CDC25C: variants seen among roughly 807,000 people sequenced by gnomAD.
CDC25C encodes cell division cycle 25C.
A neutral mutation model predicts 52.5 loss-of-function variants in CDC25C; 48 were observed. That is an observed-to-expected ratio of 0.91 (90% CI 0.72 to 1.16). The LOEUF (loss-of-function observed/expected upper bound fraction) is 1.16. Among genes scored for constraint, CDC25C ranks in the 50% most tolerant of loss-of-function variants. The probability of loss-of-function intolerance (pLI) is 0.00; values close to 1 mark genes in which losing one functional copy is unlikely to be tolerated. For synonymous variants in CDC25C, 187 were observed against 206.5 expected, an observed-to-expected ratio of 0.91 and a Z score of 0.81; for missense variants, 510 against 566.1, an observed-to-expected ratio of 0.90 and a Z score of 1.01.
At chr5:138,311,847 TCAA>T (rs1758478143) in intron 7 of CDC25C, among the ~76,000 whole-genome samples, 1 of 151,898 alleles carries the variant, frequency 6.6e-6, no homozygotes, top group African/African-American at 2.4e-5. Flanking sequence ...GAACTACAAC[TCAA>T]CAACAACAAA....
rs746918948 is a variant in CDC25C, at chr5:138,319,223, G to A, written c.611C>T (p.Ala204Val). The change falls in exon 7 of 14, where the codon GCA (alanine) becomes GTA (valine). Residue 204 changes from alanine (A) to valine (V), a missense_variant. Coordinates refer to ENST00000323760, the MANE Select transcript of CDC25C (RefSeq NM_001790.5). ...LMEFSLKDQE[A>V]KVSRSGLYRS... ...TACTACCACAGAACACTTTACCTTTGCTTCTTGATCTTTCAGGGAAAACTC... is the reference window on the plus strand; with the variant it reads ...TACTACCACAGAACACTTTACCTTTACTTCTTGATCTTTCAGGGAAAACTC... 2 of 1,611,422 alleles carry A rather than the reference G, an allele frequency of 1.2e-6. No individual in the cohort carries two copies. The highest frequency in any genetic ancestry group is 1.7e-6 in the Non-Finnish European group (2 of 1,178,328).
chr5:138,338,105 C>T, exon 1 of CDC25C: 2 of 1,289,860 alleles, frequency 1.6e-6, no homozygotes, highest in Non-Finnish European at 2.0e-6. Flanking sequence ...CCCAACAGCG[C>T]TGTCCGAGAG....
At chr5:138,293,683 G>A (rs1756927488) in intron 7 of CDC25C, among the ~76,000 whole-genome samples, 1 of 144,776 alleles carries the variant, frequency 6.9e-6, no homozygotes. Context: ...GGGTCTCGCT[G>A]TCACTCTGGT....
At chr5:138,335,618 A>T (rs1760643297), upstream of CDC25C, 1 of 152,266 alleles carries the variant, frequency 6.6e-6, no homozygotes, top group African/African-American at 2.4e-5. Context: ...AAAGAGCAGG[A>T]CATGAGTAAA....
chr5:138,321,130 T>G (rs1254239689), intron 6 of CDC25C, among the ~76,000 whole-genome samples: 1 of 151,810 alleles, frequency 6.6e-6, no homozygotes. Context: ...ATTATTCTAC[T>G]CATATGAGGT....
chr5:138,330,622 C>T (rs1373529737), intron 2 of CDC25C, among the ~76,000 whole-genome samples: 2 of 152,198 alleles, frequency 1.3e-5, no homozygotes, highest in Admixed American at 1.3e-4. Flanking sequence ...ATCCTCCCAC[C>T]TCAGCCTCCC....
chr5:138,311,921 A>G (rs758930979), intron 7 of CDC25C, among the ~76,000 whole-genome samples: 2 of 152,220 alleles, frequency 1.3e-5, no homozygotes, highest in African/African-American at 2.4e-5. Context: ...CAAAGAAGAT[A>G]TACAAATGGC....
At chr5:138,331,570 G>A (rs1760389771) in intron 1 of CDC25C, 25 bp downstream of exon 1, 1 of 1,042,964 alleles carries the variant, frequency 9.6e-7, no homozygotes, top group Non-Finnish European at 1.2e-6. Flanking sequence ...CCGTGATTCC[G>A]TGGCGGAGAC....
upstream of CDC25C, among the ~76,000 whole-genome samples, chr5:138,333,117 A>G (rs1442644462): frequency 6.6e-6 from 1 of 152,180 alleles, no homozygotes; most frequent in East Asian, 1.9e-4. Context: ...TCCTACGACC[A>G]TACTTTGCGT....
At chr5:138,310,998 G>A (rs780085475) in intron 7 of CDC25C, among the ~76,000 whole-genome samples, 3 of 152,182 alleles carry the variant, frequency 2.0e-5, no homozygotes, top group Non-Finnish European at 2.9e-5. Flanking sequence ...ATAGACCAAT[G>A]GAATGGAACA....
At chr5:138,323,909 G>C (rs1406953830) in intron 6 of CDC25C, among the ~76,000 whole-genome samples, 2 of 148,832 alleles carry the variant, frequency 1.3e-5, no homozygotes, top group African/African-American at 5.0e-5. Flanking sequence ...AGTGAGCTGA[G>C]ATTGTCCCAC....
At chr5:138,302,116 T>G (rs1757673562) in intron 7 of CDC25C, among the ~76,000 whole-genome samples, 1 of 151,894 alleles carries the variant, frequency 6.6e-6, no homozygotes, top group Non-Finnish European at 1.5e-5. Flanking sequence ...TGCCTCAGCC[T>G]CTCGAGTAGC....
At chr5:138,328,609 A>T in intron 3 of CDC25C, 80 bp from the exon 4 acceptor site, 2 of 1,158,240 alleles carry the variant, frequency 1.7e-6, no homozygotes, top group Non-Finnish European at 2.6e-6. Flanking sequence ...TTTCTTCATT[A>T]CCAGTAAGCC....
At chr5:138,313,979 CTT>C in intron 7 of CDC25C, among the ~76,000 whole-genome samples, 1 of 96,452 alleles carries the variant, frequency 1.0e-5, no homozygotes, top group African/African-American at 3.4e-5. Context: ...TTCTTTCTTT[CTT>C]TCTTTCTTTC....
At chr5:138,302,667 C>A (rs1246040611) in intron 7 of CDC25C, among the ~76,000 whole-genome samples, 1 of 151,458 alleles carries the variant, frequency 6.6e-6, no homozygotes, top group Non-Finnish European at 1.5e-5. Flanking sequence ...CCATTGCACT[C>A]CAGCCTGAGC....
intron 6 of CDC25C, 57 bp from the exon 7 acceptor site, chr5:138,319,431 G>T: frequency 1.5e-6 from 2 of 1,342,202 alleles, no homozygotes; most frequent in African/African-American, 1.5e-5. Context: ...AGTTCTAAAT[G>T]TAAGAGCTAA....
intron 7 of CDC25C, among the ~76,000 whole-genome samples, chr5:138,313,958 T>C (rs1344842397): frequency 2.0e-5 from 3 of 146,346 alleles, no homozygotes; most frequent in Admixed American, 7.1e-5. Context: ...AACACCTATG[T>C]CCCTTTTTCT....
At chr5:138,328,448 G>C in intron 4 of CDC25C, 36 bp downstream of exon 4, 2 of 1,600,834 alleles carry the variant, frequency 1.2e-6, no homozygotes. Context: ...GTGCTAAAAG[G>C]CTTTTGTGTG....
chr5:138,304,867 C>A (rs140212745), intron 7 of CDC25C, among the ~76,000 whole-genome samples: 2,242 of 152,210 alleles, frequency 0.015, 93 homozygotes, highest in Admixed American at 0.09. Context: ...GTGGTCTTCA[C>A]AAAACAAATC....
Sources: allele counts gnomAD v4.1 joint callset (sites outside exome capture counted in the v4.1 genomes callset), GRCh38; gene constraint gnomAD v4.1.1; transcripts MANE v1.5; gene names NCBI Gene and HGNC (gene_info 2026-07-23, HGNC 2026-07-21).